The following GAS2 variants were observed in gnomAD, a reference collection of about 807,000 sequenced individuals.
The protein encoded by GAS2 is growth arrest-specific protein 2.
In GAS2, 20 loss-of-function variants were observed where a neutral mutation model predicts 37.5. The observed-to-expected ratio is 0.53, with a 90% CI of 0.37 to 0.77. GAS2 has a LOEUF of 0.77. Ranked by LOEUF, GAS2 falls within the 30% of genes least tolerant of loss-of-function variation. The probability of loss-of-function intolerance (pLI) is 0.00; values close to 1 mark genes in which losing one functional copy is unlikely to be tolerated. For missense variants in GAS2, 336 were observed against 373.4 expected (o/e 0.90, Z 0.82); for synonymous variants, 144 against 132.2 (o/e 1.09, Z -0.61).
In GAS2 at chr11:22,704,011, G is replaced by T. The variant is rs1850977674; in HGVS notation, c.267+18222G>T. 5.3e-5 allele frequency among the ~76,000 whole-genome samples: 8 copies of T among 152,204 alleles called. No homozygotes were observed. In the South Asian group the frequency reaches 1.7e-3, roughly 32 times the overall value. On this transcript the variant is annotated intron_variant, in intron 3 of 7. Coordinates refer to ENST00000454584, the MANE Select transcript of GAS2 (RefSeq NM_001143830.3). ...CCAAAAGAAGCAAACAAAAATCCCA[G>T]CTCAATCAAAAATTGTTAAAAAAGA... is the stretch of plus-strand genomic sequence containing the variant.
intron 7 of GAS2, among the ~76,000 whole-genome samples, chr11:22,789,299 T>TACACAC (rs1466662570): frequency 6.0e-5 from 6 of 99,668 alleles, no homozygotes; most frequent in Admixed American, 1.1e-4. Context: ...TATATATATA[T>TACACAC]ATATACACAC....
chr11:22,633,887 ACTC>A (rs1858781985), intron 1 of GAS2, among the ~76,000 whole-genome samples: 1 of 151,958 alleles, frequency 6.6e-6, no homozygotes, highest in South Asian at 2.1e-4. Context: ...CCTGGAGGGC[ACTC>A]CTCCTGTGGG....
At chr11:22,759,756 G>T (rs1020737196) in intron 7 of GAS2, among the ~76,000 whole-genome samples, 1 of 152,318 alleles carries the variant, frequency 6.6e-6, no homozygotes, top group African/African-American at 2.4e-5. Context: ...ACGTATCTTT[G>T]AAATGTAAAT....
chr11:22,637,019 T>C (rs1255806577), intron 1 of GAS2, among the ~76,000 whole-genome samples: 2 of 136,908 alleles, frequency 1.5e-5, no homozygotes, highest in Non-Finnish European at 3.1e-5. Flanking sequence ...TATTATTATA[T>C]ATTATATATT....
At chr11:22,791,634 G>T (rs1856168686) in intron 7 of GAS2, among the ~76,000 whole-genome samples, 1 of 152,164 alleles carries the variant, frequency 6.6e-6, no homozygotes, top group Admixed American at 6.5e-5. Flanking sequence ...TCACAAAGTG[G>T]CAGAAAAGAG....
intron 1 of GAS2, among the ~76,000 whole-genome samples, chr11:22,642,328 GGA>G (rs2133819275): frequency 6.6e-6 from 1 of 152,246 alleles, no homozygotes; most frequent in South Asian, 2.1e-4. Context: ...AAATTTTAAT[GGA>G]GAGAAGAATG....
At chr11:22,781,125 G>A (rs1426094545) in intron 7 of GAS2, among the ~76,000 whole-genome samples, 5 of 152,072 alleles carry the variant, frequency 3.3e-5, no homozygotes, top group African/African-American at 7.2e-5. Flanking sequence ...CAGCAAAACC[G>A]GAAGTTGCAG....
chr11:22,755,519 A>G (rs1301291474), intron 6 of GAS2: 2 of 180,384 alleles, frequency 1.1e-5, no homozygotes, highest in Non-Finnish European at 2.3e-5. Flanking sequence ...CCAAATGTGC[A>G]TGGTCTTTTT....
intron 1 of GAS2, among the ~76,000 whole-genome samples, chr11:22,635,245 A>G (rs1858805598): frequency 1.3e-5 from 2 of 152,208 alleles, no homozygotes; most frequent in African/African-American, 4.8e-5. Context: ...GGATCAATCA[A>G]GTCCCACACT....
chr11:22,772,380 T>G (rs1855023374), intron 7 of GAS2, among the ~76,000 whole-genome samples: 1 of 152,198 alleles, frequency 6.6e-6, no homozygotes, highest in Non-Finnish European at 1.5e-5. Flanking sequence ...TTTCACTACT[T>G]AAATTGCCAC....
At chr11:22,730,126 A>G (rs1346135385) in intron 4 of GAS2, among the ~76,000 whole-genome samples, 3 of 151,856 alleles carry the variant, frequency 2.0e-5, no homozygotes, top group African/African-American at 7.2e-5. Context: ...GGAAAATATG[A>G]TATATGATTA....
At chr11:22,763,167 C>T (rs976135415) in intron 7 of GAS2, among the ~76,000 whole-genome samples, 20 of 152,150 alleles carry the variant, frequency 1.3e-4, no homozygotes, top group Non-Finnish European at 2.8e-4. Context: ...ATTAAATCAT[C>T]ACAGATCAAT....
At chr11:22,748,117 G>A (rs1353304594) in intron 5 of GAS2, among the ~76,000 whole-genome samples, 1 of 151,800 alleles carries the variant, frequency 6.6e-6, no homozygotes, top group African/African-American at 2.4e-5. Flanking sequence ...GTAGATAATA[G>A]TAGATTAAAA....
chr11:22,680,651 C>T (rs768520404), intron 2 of GAS2, among the ~76,000 whole-genome samples: 2 of 152,114 alleles, frequency 1.3e-5, no homozygotes, highest in South Asian at 2.1e-4. Flanking sequence ...AGCCATTCTC[C>T]AGTCTACAAG....
intron 3 of GAS2, among the ~76,000 whole-genome samples, chr11:22,698,407 C>G (rs569591918): frequency 6.3e-4 from 96 of 151,988 alleles, no homozygotes; most frequent in African/African-American, 2.2e-3. Flanking sequence ...AGTCCAGGAC[C>G]AGATGGATTC....
intron 7 of GAS2, among the ~76,000 whole-genome samples, chr11:22,789,304 ACACACAC>A (rs1855986688): frequency 1.8e-5 from 1 of 55,548 alleles, no homozygotes; most frequent in African/African-American, 8.6e-5. Context: ...ATATATATAT[ACACACAC>A]ACACACACAC....
chr11:22,685,783 C>T lies in GAS2; in HGVS notation c.261C>T (p.Pro87=), dbSNP rs1849912382. The part of the protein sequence containing the change: ...KFKESMDANK[P]TKNLPLKKIP... ...AGGAGAGCATGGATGCTAACAAGCC[C>T]ACAAAGGTAAAAGATCCCAATGCAA... The change falls in exon 3 of 8, where the codon CCC becomes CCT. Residue 87 remains proline (P), a synonymous_variant. Transcript: ENST00000454584. 1 of 1,611,662 alleles carries T rather than the reference C, an allele frequency of 6.2e-7. No homozygotes were observed. The highest frequency in any genetic ancestry group is 2.2e-5 in the East Asian group (1 of 44,802).
chr11:22,658,056 C>G (rs111721523), intron 1 of GAS2, among the ~76,000 whole-genome samples: 2 of 149,392 alleles, frequency 1.3e-5, no homozygotes, highest in African/African-American at 4.9e-5. Flanking sequence ...AGATGGAGCT[C>G]ACTCTGTCAC....
At chr11:22,705,392 T>A (rs1039852458) in intron 3 of GAS2, among the ~76,000 whole-genome samples, 2 of 152,130 alleles carry the variant, frequency 1.3e-5, no homozygotes, top group African/African-American at 4.8e-5. Context: ...AGGCCTTCCC[T>A]GACCAACCTA....
Sources: allele counts gnomAD v4.1 joint callset (sites outside exome capture counted in the v4.1 genomes callset), GRCh38; gene constraint gnomAD v4.1.1; transcripts MANE v1.5; gene names NCBI Gene and HGNC (gene_info 2026-07-23, HGNC 2026-07-21).